Variants in PAM observed in about 807,000 individuals in gnomAD.
PAM encodes peptidylglycine alpha-amidating monooxygenase, also known as peptidyl-glycine alpha-amidating monooxygenase.
PAM carries 72 observed loss-of-function variants against 122.1 expected under a neutral mutation model. The observed-to-expected ratio is 0.59, with a 90% CI of 0.49 to 0.72. PAM has a LOEUF of 0.72. PAM is among the 30% of genes least tolerant of loss of function. The pLI is 0.00. For missense variants in PAM, 1,106 were observed against 1,183.7 expected (o/e 0.93, Z 0.96); for synonymous variants, 389 against 404.4 (o/e 0.96, Z 0.46).
chr5:102,882,110 T>TATATATATATATACACAC (rs1561748160), intron 3 of PAM, among the ~76,000 whole-genome samples: 6 of 103,792 alleles, frequency 5.8e-5, no homozygotes, highest in African/African-American at 2.4e-4. Flanking sequence ...TATATATATA[T>TATATATATATATACACAC]ACACCACATT....
At chr5:102,962,515 A>G (rs1762793658) in intron 14 of PAM, among the ~76,000 whole-genome samples, 1 of 151,828 alleles carries the variant, frequency 6.6e-6, no homozygotes. Flanking sequence ...ATACATTTAC[A>G]AATAACAACA....
At position 102,974,233 on chromosome 5, in the gene PAM, C is replaced by T. The variant is rs752849300; in HGVS notation, c.1280C>T (p.Ala427Val). 1.2e-6 allele frequency: 2 copies of T among 1,613,750 alleles called. No individual in the cohort carries two copies. Among genetic ancestry groups the T allele is most frequent in the African/African-American group, 2.7e-5 (2 of 74,882 alleles). The change falls in exon 15 of 26, where the codon GCA (alanine) becomes GTA (valine). Residue 427 changes from alanine to valine, a missense_variant. By Grantham distance (64) the Ala-to-Val change is moderately conservative (BLOSUM62 0). Coordinates refer to ENST00000438793, the MANE Select transcript of PAM (RefSeq NM_001177306.2). ...GAGTCAGACCTGGTAGCTGAGATTG[C>T]AAATGTAGTCCAAAAAAAGGATCTT... is the stretch of plus-strand genomic sequence containing the variant. ...ESESDLVAEIANVVQKKDLGR... is the reference protein window; with the variant it reads ...ESESDLVAEIVNVVQKKDLGR...
intron 1 of PAM, among the ~76,000 whole-genome samples, chr5:102,819,520 A>G (rs1046653342): frequency 6.6e-6 from 1 of 152,070 alleles, no homozygotes; most frequent in African/African-American, 2.4e-5. Flanking sequence ...ATATTTGTGT[A>G]TAATATTTTA....
At chr5:102,843,245 T>G (rs1355373415) in intron 1 of PAM, among the ~76,000 whole-genome samples, 1 of 152,250 alleles carries the variant, frequency 6.6e-6, no homozygotes, top group Non-Finnish European at 1.5e-5. Context: ...GTAATGAATC[T>G]CTTTTTATTC....
intron 1 of PAM, among the ~76,000 whole-genome samples, chr5:102,764,409 A>G (rs1753279032): frequency 1.3e-5 from 2 of 152,066 alleles, no homozygotes; most frequent in Admixed American, 1.3e-4. Context: ...AAACCTCTTG[A>G]AGAGGTAGCA....
chr5:102,827,409 G>A (rs1773983035), intron 1 of PAM, among the ~76,000 whole-genome samples: 3 of 148,036 alleles, frequency 2.0e-5, no homozygotes, highest in South Asian at 4.5e-4. Context: ...GAGCCACTAT[G>A]ATCCTAGGAA....
chr5:102,908,534 A>G (rs1023411504), intron 4 of PAM, among the ~76,000 whole-genome samples: 15 of 143,044 alleles, frequency 1.0e-4, no homozygotes, highest in African/African-American at 3.9e-4. Flanking sequence ...ACATGGACAC[A>G]GGAAGGGGAA....
At position 103,007,564 on chromosome 5, in the gene PAM, A is replaced by G. The variant is rs1282084675; in HGVS notation, c.2122A>G (p.Ile708Val). Residue 708 changes from isoleucine (I) to valine (V), a missense_variant, in exon 20 of 26, where the codon ATC becomes GTC. Ile to Val is a conservative substitution (Grantham distance 29). Transcript: ENST00000438793. ...TGTGGCAGACCGGGAAAATGGTCGG[A>G]TCCAGTGTTTTAAAACTGACACCAA... The part of the protein sequence containing the change: ...LCVADRENGR[I>V]QCFKTDTKEF... The G allele has an allele frequency of 3.1e-6, 5 of 1,613,888 alleles. No individual in the cohort carries two copies. In the South Asian group the frequency reaches 4.4e-5, roughly 14 times the overall value.
At chr5:102,819,137 A>G (rs562158394) in intron 1 of PAM, among the ~76,000 whole-genome samples, 1 of 152,286 alleles carries the variant, frequency 6.6e-6, no homozygotes, top group East Asian at 1.9e-4. Flanking sequence ...CTTTGCAGTC[A>G]AACAGATCCT....
intron 21 of PAM, among the ~76,000 whole-genome samples, chr5:103,016,493 G>A (rs1033200221): frequency 6.6e-6 from 1 of 152,264 alleles, no homozygotes; most frequent in Non-Finnish European, 1.5e-5. Flanking sequence ...ACCTTTGGAG[G>A]CTTCCAGAGA....
intron 1 of PAM, among the ~76,000 whole-genome samples, chr5:102,831,464 A>G (rs757099951): frequency 5.3e-5 from 8 of 150,884 alleles, no homozygotes; most frequent in Non-Finnish European, 1.2e-4. Flanking sequence ...GTATGCCATG[A>G]GCTTTTTTAA....
chr5:102,831,872 TTC>T (rs35019489), intron 1 of PAM, among the ~76,000 whole-genome samples: 96,891 of 148,528 alleles, frequency 0.65, 31,704 homozygotes, highest in South Asian at 0.81. Flanking sequence ...GGAACTAGTC[TTC>T]TCTCTCTCTC....
At chr5:102,963,878 T>C (rs984455775) in intron 14 of PAM, among the ~76,000 whole-genome samples, 5 of 149,904 alleles carry the variant, frequency 3.3e-5, no homozygotes, top group African/African-American at 1.2e-4. Flanking sequence ...GTACTATATA[T>C]AGTATTATAT....
At chr5:102,805,912 A>C (rs1387772790) in intron 1 of PAM, among the ~76,000 whole-genome samples, 2 of 152,208 alleles carry the variant, frequency 1.3e-5, no homozygotes, top group African/African-American at 4.8e-5. Context: ...TAATCTGGCC[A>C]TGTGGGGCCA....
intron 20 of PAM, among the ~76,000 whole-genome samples, chr5:103,007,900 A>C (rs1053260849): frequency 1.3e-5 from 2 of 152,176 alleles, no homozygotes; most frequent in African/African-American, 4.8e-5. Flanking sequence ...AAATGTTCCC[A>C]AACATTGATT....
chr5:102,978,415 T>A (rs1014981561), intron 15 of PAM, among the ~76,000 whole-genome samples: 13 of 152,180 alleles, frequency 8.5e-5, no homozygotes, highest in African/African-American at 3.1e-4. Flanking sequence ...AGAGATAGCA[T>A]TAATAGAGTA....
At chr5:102,855,183 T>C (rs1782314388) in intron 1 of PAM, among the ~76,000 whole-genome samples, 1 of 152,202 alleles carries the variant, frequency 6.6e-6, no homozygotes. Context: ...TAAGGGATTC[T>C]AAACCCAATT....
At chr5:103,005,557 TAA>T (rs1778704765) in intron 18 of PAM, among the ~76,000 whole-genome samples, 2 of 152,184 alleles carry the variant, frequency 1.3e-5, no homozygotes, top group South Asian at 4.1e-4. Flanking sequence ...GCCAGAGAGA[TAA>T]GAGTGACAGT....
At chr5:102,934,960 A>G (rs1241968415) in intron 7 of PAM, among the ~76,000 whole-genome samples, 1 of 152,186 alleles carries the variant, frequency 6.6e-6, no homozygotes, top group African/African-American at 2.4e-5. Flanking sequence ...TTAAAATACT[A>G]AAAAGGATTG....
Sources: gnomAD v4.1 joint callset for allele counts (sites outside exome capture counted in the v4.1 genomes callset) on GRCh38, gnomAD v4.1.1 for gene constraint, MANE v1.5 for transcripts, NCBI Gene and HGNC (gene_info 2026-07-23, HGNC 2026-07-21) for gene names.